PCCA: variants seen among roughly 807,000 people sequenced by gnomAD.
PCCA encodes the protein propionyl-CoA carboxylase subunit alpha.
PCCA carries 74 observed loss-of-function variants against 101.3 expected under a neutral mutation model. That is an observed-to-expected ratio of 0.73 (90% CI 0.61 to 0.89). The LOEUF is 0.89. Ranked by LOEUF, PCCA falls within the 40% of genes least tolerant of loss-of-function variation. PCCA has a pLI of 0.00. For missense variants in PCCA, 891 were observed against 907.0 expected (o/e 0.98, Z 0.23); for synonymous variants, 294 against 313.6 (o/e 0.94, Z 0.66).
chr13:100,385,581 G>A (rs988042517), intron 19 of PCCA, among the ~76,000 whole-genome samples: 3 of 152,064 alleles, frequency 2.0e-5, no homozygotes, highest in African/African-American at 7.2e-5. Context: ...TGCACATTTT[G>A]GCAAAAATGA....
Position 100,340,138 on chromosome 13 carries a change from G to A in PCCA, c.1541-19G>A, listed in dbSNP as rs531098520. The A allele has an allele frequency of 1.6e-6, 2 of 1,222,416 alleles. No individual in the cohort carries two copies. Among genetic ancestry groups the A allele is most frequent in the East Asian group, 2.3e-5 (1 of 43,086 alleles). The allele number at this position is 1,222,416 out of a possible 1,614,324, so 75.7% of individuals were successfully genotyped here. Reference sequence around the variant, plus strand: ...AAATAAATGATTGATTGATTGATTGGTTGATTGATTTCCCTCAGGACACAT... The same window carrying A: ...AAATAAATGATTGATTGATTGATTGATTGATTGATTTCCCTCAGGACACAT... On this transcript the variant is annotated intron_variant, in intron 17 of 23. Coordinates refer to ENST00000376285, the MANE Select transcript of PCCA (RefSeq NM_000282.4).
At chr13:100,383,674 A>G (rs569698116) in intron 19 of PCCA, among the ~76,000 whole-genome samples, 12 of 152,152 alleles carry the variant, frequency 7.9e-5, no homozygotes, top group Admixed American at 2.0e-4. Context: ...AGTTTGTGCT[A>G]CATTTTGTTT....
chr13:100,149,237 G>T (rs9557397), intron 4 of PCCA: 2 of 145,928 alleles, frequency 1.4e-5, no homozygotes, highest in Non-Finnish European at 3.0e-5. Context: ...AGTCTTTCAG[G>T]GTAATTTTCT....
chr13:100,272,348 C>T (rs1253893586), intron 11 of PCCA, among the ~76,000 whole-genome samples: 4 of 152,158 alleles, frequency 2.6e-5, no homozygotes, highest in Non-Finnish European at 4.4e-5. Context: ...TGGATTAATA[C>T]ATAATTTTGT....
chr13:100,415,728 G>T (rs1415667260), intron 19 of PCCA, among the ~76,000 whole-genome samples: 2 of 152,148 alleles, frequency 1.3e-5, no homozygotes, highest in Non-Finnish European at 2.9e-5. Flanking sequence ...ATGACAAAAA[G>T]AATGACTTAT....
chr13:100,165,294 A>C (rs76034468), intron 6 of PCCA, among the ~76,000 whole-genome samples: 5,098 of 152,108 alleles, frequency 0.034, 281 homozygotes, highest in African/African-American at 0.12. Flanking sequence ...CCATTGTTTT[A>C]TTGTTTTTAA....
At chr13:100,327,768 G>A (rs1423308499) in intron 16 of PCCA, among the ~76,000 whole-genome samples, 1 of 152,168 alleles carries the variant, frequency 6.6e-6, no homozygotes, top group Non-Finnish European at 1.5e-5. Flanking sequence ...TCGGTATATT[G>A]ACGGCATCTC....
intron 22 of PCCA, among the ~76,000 whole-genome samples, chr13:100,524,503 A>G (rs150570971): frequency 6.6e-6 from 1 of 151,976 alleles, no homozygotes; most frequent in East Asian, 1.9e-4. Flanking sequence ...TTAGGGATGA[A>G]TTAGGGAAAA....
chr13:100,357,415 T>C (rs2074063583), intron 18 of PCCA, among the ~76,000 whole-genome samples: 1 of 152,170 alleles, frequency 6.6e-6, no homozygotes, highest in Non-Finnish European at 1.5e-5. Context: ...CTCTTGGGGG[T>C]AGCAATATCA....
At chr13:100,333,084 T>C (rs553012887) in intron 17 of PCCA, among the ~76,000 whole-genome samples, 1 of 152,360 alleles carries the variant, frequency 6.6e-6, no homozygotes, top group South Asian at 2.1e-4. Flanking sequence ...AACACACTCC[T>C]ATATTTGCCA....
chr13:100,321,708 T>C (rs1196414402), intron 16 of PCCA, among the ~76,000 whole-genome samples: 1 of 151,996 alleles, frequency 6.6e-6, no homozygotes, highest in Non-Finnish European at 1.5e-5. Context: ...TATATAACTT[T>C]TTCCATGGAA....
At chr13:100,346,239 C>T (rs2072197353) in intron 18 of PCCA, among the ~76,000 whole-genome samples, 1 of 152,146 alleles carries the variant, frequency 6.6e-6, no homozygotes, top group East Asian at 1.9e-4. Context: ...TGAAAACTTT[C>T]TGGGAAGGAT....
intron 12 of PCCA, among the ~76,000 whole-genome samples, chr13:100,279,568 C>G (rs2063922854): frequency 6.6e-6 from 1 of 152,146 alleles, no homozygotes; most frequent in Non-Finnish European, 1.5e-5. Context: ...CTCCACCTCC[C>G]AGATTCAAAC....
chr13:100,169,628 A>G (rs2055423605), intron 6 of PCCA, among the ~76,000 whole-genome samples: 1 of 151,442 alleles, frequency 6.6e-6, no homozygotes, highest in African/African-American at 2.4e-5. Flanking sequence ...CCCAGGTTCA[A>G]GTGATTCTCC....
rs540960309 is a variant in PCCA at position 100,092,747 on chromosome 13, C to A, written c.105+3522C>A. On this transcript the variant is annotated intron_variant, in intron 1 of 23. Coordinates refer to ENST00000376285, the MANE Select transcript of PCCA (RefSeq NM_000282.4). ...TTTAAGCCCTGTGTTACTTGACATC[C>A]ATTATTTTCTTTTGTAATCAGTAAA... Among the ~76,000 whole-genome samples, 9 of 152,070 alleles carry A rather than the reference C, an allele frequency of 5.9e-5. No individual in the cohort carries two copies. The South Asian group carries it at 6.2e-4, about 11-fold the overall frequency.
chr13:100,142,974 A>G (rs1448623545), intron 4 of PCCA, among the ~76,000 whole-genome samples: 2 of 152,090 alleles, frequency 1.3e-5, no homozygotes, highest in Non-Finnish European at 2.9e-5. Context: ...CCCCTGATAC[A>G]TTTATGTTTT....
At chr13:100,168,580 T>C (rs1194716406) in intron 6 of PCCA, among the ~76,000 whole-genome samples, 1 of 152,224 alleles carries the variant, frequency 6.6e-6, no homozygotes, top group African/African-American at 2.4e-5. Context: ...CTGTTACTTA[T>C]GCTAGTATTG....
chr13:100,106,823 C>T (rs908719698), intron 2 of PCCA, among the ~76,000 whole-genome samples: 10 of 152,226 alleles, frequency 6.6e-5, no homozygotes, highest in African/African-American at 1.9e-4. Context: ...ATTCTGCTCC[C>T]TGCTATCTTT....
rs1473616777 is a variant in PCCA, at chr13:100,268,684, T to A, written c.820-5T>A. Reference sequence around the variant, plus strand: ...ATGGTTTTTCAAATGGTATTGCTCTTTCAGGTTCTAGGTGATAAACATGGG... The same window carrying A: ...ATGGTTTTTCAAATGGTATTGCTCTATCAGGTTCTAGGTGATAAACATGGG... On this transcript the variant is annotated splice_region_variant and splice_polypyrimidine_tract_variant and intron_variant, in intron 10 of 23. Coordinates refer to ENST00000376285, the MANE Select transcript of PCCA (RefSeq NM_000282.4). 6.2e-7 allele frequency: 1 copy of A among 1,606,426 alleles called. No homozygotes were observed. The highest frequency in any genetic ancestry group is 8.5e-7 in the Non-Finnish European group (1 of 1,172,960).
Sources: gnomAD v4.1 joint callset for allele counts (sites outside exome capture counted in the v4.1 genomes callset) on GRCh38, gnomAD v4.1.1 for gene constraint, MANE v1.5 for transcripts, NCBI Gene and HGNC (gene_info 2026-07-23, HGNC 2026-07-21) for gene names.